The following CSMD1 variants were observed in gnomAD, a reference collection of about 807,000 sequenced individuals.
CSMD1 encodes CUB and sushi domain-containing protein 1.
CSMD1 carries 213 observed loss-of-function variants against 417.5 expected under a neutral mutation model. That is an observed-to-expected ratio of 0.51 (90% CI 0.46 to 0.57). The LOEUF (loss-of-function observed/expected upper bound fraction) is 0.57. Among genes scored for constraint, CSMD1 ranks in the 20% least tolerant of loss-of-function variants. CSMD1 has a pLI of 0.00. For missense variants in CSMD1, 6,923 were observed against 4,529.7 expected (o/e 1.53, Z -15.17); for synonymous variants, 2,862 against 1,736.8 (o/e 1.65, Z -16.11).
intron 2 of CSMD1, among the ~76,000 whole-genome samples, chr8:4,578,362 G>A (rs1252496194): frequency 2.1e-4 from 11 of 51,344 alleles, no homozygotes; most frequent in African/African-American, 1.0e-3. Context: ...TTTTTTTTTA[G>A]GACAGACGGG....
At chr8:3,511,909 A>C (rs972133488) in intron 10 of CSMD1, among the ~76,000 whole-genome samples, 1 of 27,418 alleles carries the variant, frequency 3.6e-5, no homozygotes, top group Non-Finnish European at 6.4e-5. Flanking sequence ...AGTCAAATTA[A>C]AAAAAAAAAA....
At position 4,029,067 on chromosome 8, in the gene CSMD1, T is replaced by A. The variant is rs564929748; in HGVS notation, c.610+2838A>T. Reference sequence around the variant, plus strand: ...CCTTATCTGAGAAGACTGACAGTGTTGAAAGAGTTCTTAAAATATACACAT... The same window carrying A: ...CCTTATCTGAGAAGACTGACAGTGTAGAAAGAGTTCTTAAAATATACACAT... On this transcript the variant is annotated intron_variant, in intron 4 of 69. Transcript: ENST00000635120. Among the ~76,000 whole-genome samples, 7 of 152,302 alleles carry A rather than the reference T, an allele frequency of 4.6e-5. No homozygotes were observed. In the East Asian group the frequency reaches 1.4e-3, roughly 29 times the overall value.
intron 1 of CSMD1, among the ~76,000 whole-genome samples, chr8:4,724,344 A>G (rs1809269216): frequency 6.6e-6 from 1 of 152,116 alleles, no homozygotes; most frequent in Non-Finnish European, 1.5e-5. Context: ...AGAGCTAATA[A>G]TGCCCATTAA....
At chr8:4,243,801 C>T (rs539183838) in intron 3 of CSMD1, among the ~76,000 whole-genome samples, 2 of 152,296 alleles carry the variant, frequency 1.3e-5, no homozygotes, top group South Asian at 4.1e-4. Flanking sequence ...CAAATCATGA[C>T]AAGGTCATCT....
At chr8:4,328,119 C>T (rs1420228418) in intron 3 of CSMD1, among the ~76,000 whole-genome samples, 1 of 152,106 alleles carries the variant, frequency 6.6e-6, no homozygotes. Context: ...TCACTATGTC[C>T]ATTTATGAAT....
chr8:4,067,618 A>C lies in CSMD1; in HGVS notation c.416-35519T>G, dbSNP rs192389895. On this transcript the variant is annotated intron_variant, in intron 3 of 69. Coordinates refer to ENST00000635120, the MANE Select transcript of CSMD1 (RefSeq NM_033225.6). ...AATTATCAATTCTTTTATTCATCCA[A>C]AATGACCCTACATAAACTGATTTCA... is the stretch of plus-strand genomic sequence containing the variant. Among the ~76,000 whole-genome samples, 718 of 152,302 alleles carry C rather than the reference A, an allele frequency of 4.7e-3. 7 individuals are homozygous for C. The highest frequency in any genetic ancestry group is 0.017 in the African/African-American group (691 of 41,560).
intron 2 of CSMD1, among the ~76,000 whole-genome samples, chr8:4,501,496 C>T (rs973435325): frequency 3.9e-5 from 6 of 152,178 alleles, no homozygotes; most frequent in African/African-American, 1.2e-4. Context: ...AAATGTTTCA[C>T]GTGTTCTCCT....
chr8:3,252,446 T>C (rs1266487724), intron 26 of CSMD1, among the ~76,000 whole-genome samples: 1 of 152,146 alleles, frequency 6.6e-6, no homozygotes, highest in East Asian at 1.9e-4. Context: ...TTTTGATATA[T>C]TGTTGGATTC....
At chr8:4,791,885 A>G (rs187264330) in intron 1 of CSMD1, among the ~76,000 whole-genome samples, 1 of 152,192 alleles carries the variant, frequency 6.6e-6, no homozygotes, top group Non-Finnish European at 1.5e-5. Context: ...TGCATTCAGC[A>G]ACAATTGGTT....
At chr8:4,420,106 G>C (rs753895693) in intron 2 of CSMD1, 41 bp from the exon 3 acceptor site, 149 of 1,424,716 alleles carry the variant, frequency 1.0e-4, no homozygotes, top group African/African-American at 7.9e-5. Context: ...TTAAAAGCAT[G>C]AATTTGTCAA....
At chr8:4,924,795 A>G (rs1215699910) in intron 1 of CSMD1, among the ~76,000 whole-genome samples, 2 of 151,744 alleles carry the variant, frequency 1.3e-5, no homozygotes, top group South Asian at 2.1e-4. Context: ...ACTTTTTGAC[A>G]TATGTATCAT....
At chr8:3,910,497 G>C (rs1808394908) in intron 5 of CSMD1, among the ~76,000 whole-genome samples, 1 of 152,194 alleles carries the variant, frequency 6.6e-6, no homozygotes, top group South Asian at 2.1e-4. Context: ...AGTGAACCAA[G>C]TAAACATTAT....
At chr8:4,648,454 G>A (rs549837373) in intron 1 of CSMD1, among the ~76,000 whole-genome samples, 2 of 152,192 alleles carry the variant, frequency 1.3e-5, no homozygotes, top group South Asian at 2.1e-4. Flanking sequence ...GCATGAAATA[G>A]ATCTTCCTCA....
intron 3 of CSMD1, among the ~76,000 whole-genome samples, chr8:4,062,692 C>A (rs1392914666): frequency 6.7e-6 from 1 of 150,144 alleles, no homozygotes; most frequent in Non-Finnish European, 1.5e-5. Context: ...CCCATGATGG[C>A]AAAGCCACAC....
chr8:4,722,602 T>C (rs565166096), intron 1 of CSMD1, among the ~76,000 whole-genome samples: 1 of 152,234 alleles, frequency 6.6e-6, no homozygotes, highest in Non-Finnish European at 1.5e-5. Context: ...GGAGGAGCCC[T>C]GAACTACAGG....
intron 4 of CSMD1, among the ~76,000 whole-genome samples, chr8:4,028,364 G>A (rs919406624): frequency 7.2e-5 from 11 of 152,090 alleles, no homozygotes; most frequent in African/African-American, 2.4e-4. Context: ...ATTTGCTAAA[G>A]TAGTGCCTGG....
In CSMD1 at chr8:3,350,838, G is replaced by C. The variant is rs544700370; in HGVS notation, c.3305-2677C>G. Among the ~76,000 whole-genome samples the C allele has an allele frequency of 4.7e-5, 7 of 150,278 alleles. No homozygotes were observed. The South Asian group carries it at 1.0e-3, about 23-fold the overall frequency. ...TTTTACATGTTTTTATTAGCCTTTG[G>C]AATCTGGGATTTTTTTTAAAAAAAG... On this transcript the variant is annotated intron_variant, in intron 21 of 69. Transcript: ENST00000635120.
intron 1 of CSMD1, among the ~76,000 whole-genome samples, chr8:4,850,380 A>ATATTTTTTTT (rs1403352847): frequency 5.7e-4 from 47 of 82,718 alleles, no homozygotes; most frequent in African/African-American, 8.8e-4. Context: ...AATCCAATTT[A>ATATTTTTTTT]TCTTTTTTTT....
chr8:3,668,093 G>T (rs545941088), intron 7 of CSMD1, among the ~76,000 whole-genome samples: 1 of 152,216 alleles, frequency 6.6e-6, no homozygotes, highest in South Asian at 2.1e-4. Flanking sequence ...TTCTACCCCT[G>T]GGCTAGAAGG....
Sources: gnomAD v4.1 joint callset for allele counts (sites outside exome capture counted in the v4.1 genomes callset) on GRCh38, gnomAD v4.1.1 for gene constraint, MANE v1.5 for transcripts, NCBI Gene and HGNC (gene_info 2026-07-23, HGNC 2026-07-21) for gene names.